Variants in FOXP2 observed in about 807,000 individuals in gnomAD.
FOXP2 encodes forkhead box protein P2.
A neutral mutation model predicts 115.8 loss-of-function variants in FOXP2; 12 were observed. The observed-to-expected ratio is 0.10, with a 90% CI of 0.07 to 0.17. The LOEUF (loss-of-function observed/expected upper bound fraction) is 0.17. Ranked by LOEUF, FOXP2 falls within the 10% of genes least tolerant of loss-of-function variation. FOXP2 has a pLI of 1.00. For synonymous variants in FOXP2, 328 were observed against 297.7 expected (o/e 1.10, Z -1.05); for missense variants, 629 against 843.5 (o/e 0.75, Z 3.15).
chr7:114,445,842 G>T (rs115657871), intron 2 of FOXP2, among the ~76,000 whole-genome samples: 1 of 152,016 alleles, frequency 6.6e-6, no homozygotes, highest in African/African-American at 2.4e-5. Flanking sequence ...TAACACATCT[G>T]ATTTAATTAA....
intron 16 of FOXP2, among the ~76,000 whole-genome samples, chr7:114,672,247 G>A (rs1203166290): frequency 6.6e-6 from 1 of 152,128 alleles, no homozygotes; most frequent in Non-Finnish European, 1.5e-5. Context: ...TTGTTAATTA[G>A]CAAGTCAAAG....
chr7:114,641,717 C>A (rs1179336852), intron 6 of FOXP2, among the ~76,000 whole-genome samples: 1 of 151,748 alleles, frequency 6.6e-6, no homozygotes, highest in Non-Finnish European at 1.5e-5. Flanking sequence ...TAAAAACAAA[C>A]CTTAATACTA....
intron 1 of FOXP2, among the ~76,000 whole-genome samples, chr7:114,096,434 C>G (rs1359574067): frequency 6.6e-6 from 1 of 152,150 alleles, no homozygotes; most frequent in African/African-American, 2.4e-5. Flanking sequence ...TTTATCCCTT[C>G]TAACTTTGCT....
chr7:114,616,013 A>G (rs1158203062), intron 3 of FOXP2, among the ~76,000 whole-genome samples: 2 of 152,028 alleles, frequency 1.3e-5, no homozygotes, highest in East Asian at 1.9e-4. Context: ...TAATTATTTT[A>G]TTTCTTCTCC....
At chr7:114,363,570 T>C (rs1791803036) in intron 2 of FOXP2, among the ~76,000 whole-genome samples, 2 of 152,116 alleles carry the variant, frequency 1.3e-5, no homozygotes, top group Non-Finnish European at 2.9e-5. Flanking sequence ...CAGACAAATA[T>C]GCACAGAGAT....
chr7:114,258,576 T>G (rs1795675345), intron 1 of FOXP2, among the ~76,000 whole-genome samples: 1 of 152,146 alleles, frequency 6.6e-6, no homozygotes, highest in African/African-American at 2.4e-5. Flanking sequence ...ATCCTGAAAT[T>G]AAACAAACAA....
chr7:114,642,802 A>AT (rs1563054490), intron 7 of FOXP2, among the ~76,000 whole-genome samples, 179 bp downstream of exon 7: 12 of 12,348 alleles, frequency 9.7e-4, no homozygotes, highest in East Asian at 6.1e-3. Flanking sequence ...ATATATATAT[A>AT]TATATATATA....
intron 1 of FOXP2, among the ~76,000 whole-genome samples, chr7:114,417,034 A>G (rs552416164): frequency 7.9e-5 from 12 of 152,100 alleles, no homozygotes; most frequent in Admixed American, 2.6e-4. Flanking sequence ...TTTATTATTC[A>G]TGAAGGCAAG....
chr7:114,463,239 A>G (rs900088174), intron 2 of FOXP2: 9 of 218,122 alleles, frequency 4.1e-5, no homozygotes, highest in Non-Finnish European at 2.9e-5. Context: ...AATGATTAGT[A>G]TATGTAGAAA....
chr7:114,331,771 G>C (rs1222079055), intron 2 of FOXP2, among the ~76,000 whole-genome samples: 1 of 151,444 alleles, frequency 6.6e-6, no homozygotes, highest in Non-Finnish European at 1.5e-5. Flanking sequence ...GGGTTCAAGT[G>C]ATTTTCTTGC....
chr7:114,480,987 G>A (rs779407288), intron 2 of FOXP2, among the ~76,000 whole-genome samples: 2 of 151,210 alleles, frequency 1.3e-5, no homozygotes, highest in African/African-American at 4.8e-5. Flanking sequence ...AATTTAACCA[G>A]ATCTAATAAC....
chr7:114,227,865 G>A (rs181784460), intron 1 of FOXP2, among the ~76,000 whole-genome samples: 7 of 151,958 alleles, frequency 4.6e-5, no homozygotes, highest in Non-Finnish European at 8.8e-5. Context: ...CCACAAAATG[G>A]CTCTTCCTAA....
intron 16 of FOXP2, among the ~76,000 whole-genome samples, chr7:114,677,520 T>G (rs1807841915): frequency 6.6e-6 from 1 of 152,194 alleles, no homozygotes; most frequent in African/African-American, 2.4e-5. Flanking sequence ...TGAATAAAAT[T>G]TACATTACTC....
At chr7:114,322,260 C>A (rs1394628865) in intron 2 of FOXP2, among the ~76,000 whole-genome samples, 1 of 151,850 alleles carries the variant, frequency 6.6e-6, no homozygotes, top group Admixed American at 6.6e-5. Flanking sequence ...TAGACTCAAG[C>A]AGTCCTCCTG....
intron 1 of FOXP2, among the ~76,000 whole-genome samples, chr7:114,223,204 A>C (rs1794665094): frequency 6.6e-6 from 1 of 152,038 alleles, no homozygotes; most frequent in South Asian, 2.1e-4. Context: ...TGGATGCATC[A>C]GTTTACACTT....
intron 2 of FOXP2, among the ~76,000 whole-genome samples, chr7:114,383,967 C>T (rs1448689141): frequency 6.6e-6 from 1 of 152,110 alleles, no homozygotes; most frequent in African/African-American, 2.4e-5. Flanking sequence ...ACTCCCTTTC[C>T]CACCTTTCTT....
At chr7:114,563,908 A>G (rs1382364357) in intron 3 of FOXP2, among the ~76,000 whole-genome samples, 1 of 152,116 alleles carries the variant, frequency 6.6e-6, no homozygotes, top group Non-Finnish European at 1.5e-5. Context: ...TCAAATCCTT[A>G]GAAGTTAGCT....
At chr7:114,129,645 G>T (rs1187445350) in intron 1 of FOXP2, among the ~76,000 whole-genome samples, 1 of 152,210 alleles carries the variant, frequency 6.6e-6, no homozygotes, top group Non-Finnish European at 1.5e-5. Context: ...TTTCTGGAAA[G>T]CTTGGAAGCT....
intron 1 of FOXP2, among the ~76,000 whole-genome samples, chr7:114,420,414 A>G (rs1383382239): frequency 6.6e-6 from 1 of 151,950 alleles, no homozygotes; most frequent in African/African-American, 2.4e-5. Context: ...TTACATTTTT[A>G]CTGTTAAATT....
Sources: allele counts gnomAD v4.1 joint callset (sites outside exome capture counted in the v4.1 genomes callset), GRCh38; gene constraint gnomAD v4.1.1; transcripts MANE v1.5; gene names NCBI Gene and HGNC (gene_info 2026-07-23, HGNC 2026-07-21).